Variants in HSD17B2 observed in about 807,000 individuals in gnomAD.
HSD17B2 encodes 17-beta-hydroxysteroid dehydrogenase type 2.
Under a neutral mutation model 26.9 loss-of-function variants are expected in HSD17B2, and 32 were observed. The ratio of observed to expected loss-of-function variants is 1.19; its 90% confidence interval spans 0.90 to 1.60. The LOEUF is 1.60. HSD17B2 is among the 40% of genes most tolerant of loss of function. The pLI, the probability that HSD17B2 is intolerant of heterozygous loss-of-function variation, is 0.00. For missense variants in HSD17B2, 613 were observed against 468.6 expected, an observed-to-expected ratio of 1.31 and a Z score of -2.85; for synonymous variants, 246 against 186.7, an observed-to-expected ratio of 1.32 and a Z score of -2.59.
Position 82,068,304 on chromosome 16 carries a change from G to T in HSD17B2, c.400G>T (p.Val134Leu). 1.2e-6 allele frequency: 2 copies of T among 1,614,156 alleles called. No homozygotes were observed. Among genetic ancestry groups the T allele is most frequent in the Non-Finnish European group, 1.7e-6 (2 of 1,180,028 alleles). ...AAGAACCTGCTCTCCGCGCCTCTCG[G>T]TGCTCCAAATGGACATCACGAAGCC... ...LRRTCSPRLSVLQMDITKPVQ... is the reference protein window; with the variant it reads ...LRRTCSPRLSLLQMDITKPVQ... The change falls in exon 2 of 5, where the codon GTG becomes TTG. Residue 134 changes from valine to leucine, a missense_variant. Transcript: ENST00000199936.
intron 2 of HSD17B2, among the ~76,000 whole-genome samples, chr16:82,070,167 C>T (rs1226585420): frequency 6.6e-6 from 1 of 152,136 alleles, no homozygotes; most frequent in East Asian, 1.9e-4. Context: ...TTCTGCAAAT[C>T]GGTTTGCTCT....
intron 1 of HSD17B2, among the ~76,000 whole-genome samples, chr16:82,066,864 T>A (rs1914584311): frequency 6.6e-6 from 1 of 152,228 alleles, no homozygotes; most frequent in Non-Finnish European, 1.5e-5. Flanking sequence ...TGTACCGTAA[T>A]TTAGGTACCC....
chr16:82,047,112 A>G (rs1055044660), intron 1 of HSD17B2, among the ~76,000 whole-genome samples: 16 of 152,206 alleles, frequency 1.1e-4, no homozygotes, highest in African/African-American at 3.9e-4. Flanking sequence ...AGAGAACACT[A>G]AAGACTGAAC....
intron 1 of HSD17B2, among the ~76,000 whole-genome samples, chr16:82,037,450 T>G (rs1913653118): frequency 6.6e-6 from 1 of 152,216 alleles, no homozygotes; most frequent in South Asian, 2.1e-4. Flanking sequence ...GATTGGCTTA[T>G]GATAACATAG....
chr16:82,070,872 C>T (rs1474840763), intron 2 of HSD17B2, 70 bp from the exon 3 acceptor site: 2 of 1,419,472 alleles, frequency 1.4e-6, no homozygotes, highest in African/African-American at 2.8e-5. Flanking sequence ...GCATGGTCTT[C>T]CAGGTATTGC....
intron 3 of HSD17B2, among the ~76,000 whole-genome samples, chr16:82,090,694 G>A (rs1440381966): frequency 6.6e-6 from 1 of 152,062 alleles, no homozygotes; most frequent in Non-Finnish European, 1.5e-5. Flanking sequence ...GCTGCAATAG[G>A]GGAGCCAAAG....
chr16:82,041,050 C>T (rs565353521), intron 1 of HSD17B2, among the ~76,000 whole-genome samples: 2 of 152,164 alleles, frequency 1.3e-5, no homozygotes, highest in South Asian at 4.1e-4. Flanking sequence ...GTTTTGATAA[C>T]CCGGGTAATT....
At chr16:82,094,320 A>C in intron 4 of HSD17B2, 2 of 152,126 alleles carry the variant, frequency 1.3e-5, no homozygotes, top group East Asian at 1.9e-4. Flanking sequence ...GAATCATACC[A>C]ACCTGTTTTC....
chr16:82,066,395 T>G (rs1914573523), intron 1 of HSD17B2, among the ~76,000 whole-genome samples: 1 of 152,218 alleles, frequency 6.6e-6, no homozygotes. Flanking sequence ...TTGCCATGAC[T>G]ATCATTCTCT....
At chr16:82,059,768 C>G (rs779728399) in intron 1 of HSD17B2, among the ~76,000 whole-genome samples, 1 of 152,142 alleles carries the variant, frequency 6.6e-6, no homozygotes, top group Admixed American at 6.5e-5. Flanking sequence ...CTGGGTTTCA[C>G]GGCTGACTCT....
intron 1 of HSD17B2, among the ~76,000 whole-genome samples, chr16:82,046,505 T>G (rs563718379): frequency 6.6e-6 from 1 of 152,102 alleles, no homozygotes; most frequent in African/African-American, 2.4e-5. Context: ...GGCAGATCAC[T>G]TGAGCCCGGG....
intron 1 of HSD17B2, among the ~76,000 whole-genome samples, chr16:82,053,600 G>C (rs977354159): frequency 2.6e-5 from 4 of 152,192 alleles, no homozygotes; most frequent in African/African-American, 9.7e-5. Context: ...GCCAAGAACT[G>C]TGTCCATCTT....
intron 3 of HSD17B2, among the ~76,000 whole-genome samples, chr16:82,084,585 G>C (rs1362864602): frequency 6.6e-6 from 1 of 152,044 alleles, no homozygotes; most frequent in Non-Finnish European, 1.5e-5. Context: ...CCTAGAATTA[G>C]AGGAAGTGGA....
At chr16:82,082,255 C>G (rs910088405) in intron 3 of HSD17B2, among the ~76,000 whole-genome samples, 2 of 152,106 alleles carry the variant, frequency 1.3e-5, no homozygotes, top group African/African-American at 4.8e-5. Context: ...GACCTTCTAT[C>G]TGCTTGTCCA....
intron 1 of HSD17B2, among the ~76,000 whole-genome samples, chr16:82,041,997 CTTT>C (rs537013953): frequency 7.1e-6 from 1 of 141,644 alleles, no homozygotes; most frequent in Non-Finnish European, 1.5e-5. Context: ...CTTTTCTTTT[CTTT>C]TTTTTTTTTT....
Position 82,044,867 on chromosome 16 carries a change from CA to C in HSD17B2, c.265+9179del, listed in dbSNP as rs1321656097. 5.3e-5 allele frequency among the ~76,000 whole-genome samples: 8 copies of C among 152,182 alleles called. No homozygotes were observed. In the East Asian group the frequency reaches 1.5e-3, roughly 29 times the overall value. The stretch of plus-strand genomic sequence containing the variant: ...GCATGGTGGCTCACGCTTGTAATCT[CA>C]GCACTTTGGGAGGCCAGGGTGGGCA... On this transcript the variant is annotated intron_variant, in intron 1 of 4. Transcript: ENST00000199936.
At chr16:82,040,496 T>C (rs1459774144) in intron 1 of HSD17B2, among the ~76,000 whole-genome samples, 1 of 152,240 alleles carries the variant, frequency 6.6e-6, no homozygotes. Flanking sequence ...ATCAGATCCA[T>C]CTCTCACCAA....
chr16:82,054,063 A>T (rs572976553), intron 1 of HSD17B2, among the ~76,000 whole-genome samples: 3 of 152,054 alleles, frequency 2.0e-5, no homozygotes, highest in Non-Finnish European at 4.4e-5. Flanking sequence ...CATGTCTACA[A>T]ATTCCCAAGC....
At chr16:82,076,372 T>C (rs1904302392) in intron 3 of HSD17B2, among the ~76,000 whole-genome samples, 1 of 152,170 alleles carries the variant, frequency 6.6e-6, no homozygotes, top group Non-Finnish European at 1.5e-5. Context: ...CACATAATAC[T>C]GGAAATCCTG....
Sources: allele counts gnomAD v4.1 joint callset (sites outside exome capture counted in the v4.1 genomes callset), GRCh38; gene constraint gnomAD v4.1.1; transcripts MANE v1.5; gene names NCBI Gene and HGNC (gene_info 2026-07-23, HGNC 2026-07-21).